MPZL1: variants seen among roughly 807,000 people sequenced by gnomAD.
MPZL1 encodes the protein myelin protein zero like 1, also known as myelin protein zero-like protein 1.
A neutral mutation model predicts 29.3 loss-of-function variants in MPZL1; 16 were observed. The ratio of observed to expected loss-of-function variants is 0.55; its 90% CI spans 0.37 to 0.83. MPZL1 has a LOEUF of 0.83. Ranked by LOEUF, MPZL1 falls within the 40% of genes least tolerant of loss-of-function variation. MPZL1 has a pLI of 0.00. For synonymous variants in MPZL1, 143 were observed against 132.0 expected, an observed-to-expected ratio of 1.08 and a Z score of -0.57; for missense variants, 279 against 332.9, an observed-to-expected ratio of 0.84 and a Z score of 1.26.
intron 1 of MPZL1, among the ~76,000 whole-genome samples, chr1:167,739,290 T>TAC (rs1553254299): frequency 1.1e-5 from 1 of 92,768 alleles, no homozygotes; most frequent in African/African-American, 5.4e-5. Context: ...TACATATATA[T>TAC]ATATATATAT....
chr1:167,783,928 G>A (rs546762889), intron 5 of MPZL1, among the ~76,000 whole-genome samples: 14 of 152,194 alleles, frequency 9.2e-5, no homozygotes, highest in Non-Finnish European at 2.1e-4. Flanking sequence ...CTTTCTTAGT[G>A]ATTCGTGCTA....
intron 1 of MPZL1, among the ~76,000 whole-genome samples, chr1:167,731,640 A>G (rs570056959): frequency 1.3e-5 from 2 of 151,920 alleles, no homozygotes; most frequent in East Asian, 2.0e-4. Flanking sequence ...GTGTTTCACC[A>G]TGTTAGCCAG....
intron 1 of MPZL1, among the ~76,000 whole-genome samples, chr1:167,762,874 G>A (rs560902229): frequency 2.6e-5 from 4 of 152,280 alleles, no homozygotes; most frequent in Non-Finnish European, 5.9e-5. Context: ...AGATAGCCAG[G>A]GATGGGAGGA....
chr1:167,733,639 G>A (rs1660313664), intron 1 of MPZL1, among the ~76,000 whole-genome samples: 1 of 152,174 alleles, frequency 6.6e-6, no homozygotes, highest in Non-Finnish European at 1.5e-5. Context: ...CAGCTACTCA[G>A]GAGGCTGAGG....
At chr1:167,742,536 A>G (rs1336290181) in intron 1 of MPZL1, among the ~76,000 whole-genome samples, 1 of 152,218 alleles carries the variant, frequency 6.6e-6, no homozygotes, top group Admixed American at 6.5e-5. Flanking sequence ...CAGAATAGGA[A>G]CTATAGTTTA....
chr1:167,785,786 A>G (rs1205279158), intron 5 of MPZL1, among the ~76,000 whole-genome samples: 1 of 152,132 alleles, frequency 6.6e-6, no homozygotes, highest in Non-Finnish European at 1.5e-5. Context: ...TTCCTAGTAG[A>G]AAACAGTCTT....
intron 1 of MPZL1, among the ~76,000 whole-genome samples, chr1:167,745,129 A>G (rs902019537): frequency 1.3e-5 from 2 of 152,092 alleles, no homozygotes; most frequent in Admixed American, 1.3e-4. Flanking sequence ...CTGAGTCTGG[A>G]GTGAAGGTCC....
chr1:167,783,940 G>A (rs899880979), intron 5 of MPZL1, among the ~76,000 whole-genome samples: 1 of 152,148 alleles, frequency 6.6e-6, no homozygotes, highest in Non-Finnish European at 1.5e-5. Context: ...TTCGTGCTAG[G>A]CTTTTGGGGA....
At chr1:167,753,031 T>C (rs986735104) in intron 1 of MPZL1, among the ~76,000 whole-genome samples, 1 of 152,164 alleles carries the variant, frequency 6.6e-6, no homozygotes, top group Non-Finnish European at 1.5e-5. Flanking sequence ...CAAGGGAGAT[T>C]GTGCTTTTCA....
In MPZL1 at chr1:167,788,648, G is replaced by A. The variant is rs950741560; in HGVS notation, c.*727G>A. On this transcript the variant is annotated 3_prime_UTR_variant, in exon 6 of 6. Coordinates refer to ENST00000359523, the MANE Select transcript of MPZL1 (RefSeq NM_003953.6). ...GGTCACTTCATTCTGGACACAGTTGGATCAATACTGATTAAGTAGAAAATC... is the reference window on the plus strand; with the variant it reads ...GGTCACTTCATTCTGGACACAGTTGAATCAATACTGATTAAGTAGAAAATC... The A allele has an allele frequency of 1.3e-5, 2 of 152,176 alleles. No individual in the cohort carries two copies. The highest frequency in any genetic ancestry group is 2.9e-5 in the Non-Finnish European group (2 of 68,048). The allele number at this position is 152,176 out of a possible 1,614,324, so 9.4% of individuals were successfully genotyped here. A position where few individuals can be genotyped will look rare whatever the true frequency, so the allele number is the denominator to read the frequency against.
chr1:167,735,002 G>T (rs1415420838), intron 1 of MPZL1, among the ~76,000 whole-genome samples: 2 of 152,170 alleles, frequency 1.3e-5, no homozygotes, highest in African/African-American at 4.8e-5. Context: ...TGAGTCATTT[G>T]CAGAATAAGA....
intron 2 of MPZL1, 42 bp downstream of exon 2, chr1:167,765,791 G>T: frequency 6.6e-7 from 1 of 1,505,582 alleles, no homozygotes; most frequent in Non-Finnish European, 8.9e-7. Context: ...TGCCTCACAG[G>T]TTTCTTTACT....
chr1:167,747,006 A>T (rs2101763884), intron 1 of MPZL1, among the ~76,000 whole-genome samples: 1 of 152,300 alleles, frequency 6.6e-6, no homozygotes, highest in Non-Finnish European at 1.5e-5. Flanking sequence ...TTCATCAGAG[A>T]GCCACTGAGA....
chr1:167,741,703 A>G (rs1172783764), intron 1 of MPZL1, among the ~76,000 whole-genome samples: 3 of 151,944 alleles, frequency 2.0e-5, no homozygotes, highest in African/African-American at 4.8e-5. Context: ...AGCAAGAACT[A>G]TTTTACATCA....
At chr1:167,772,144 G>T in intron 2 of MPZL1, 131 bp from the exon 3 acceptor site, 1 of 734,248 alleles carries the variant, frequency 1.4e-6, no homozygotes, top group Non-Finnish European at 2.3e-6. Flanking sequence ...AGGGGGAGAG[G>T]GAGAGGGAGA....
chr1:167,771,983 C>G (rs548077957), intron 2 of MPZL1, among the ~76,000 whole-genome samples: 1 of 152,152 alleles, frequency 6.6e-6, no homozygotes, highest in East Asian at 1.9e-4. Context: ...ACCAGTCAGG[C>G]GTGGCCGCAC....
chr1:167,747,268 C>A (rs555793840), intron 1 of MPZL1, among the ~76,000 whole-genome samples: 1 of 152,108 alleles, frequency 6.6e-6, no homozygotes, highest in Non-Finnish European at 1.5e-5. Flanking sequence ...TCGTCTAGGC[C>A]GGAGTGCAGT....
chr1:167,777,665 A>G (rs1661400368), intron 5 of MPZL1, among the ~76,000 whole-genome samples: 1 of 152,216 alleles, frequency 6.6e-6, no homozygotes, highest in Admixed American at 6.5e-5. Flanking sequence ...TTGTATACAC[A>G]TAGGAGAACA....
chr1:167,766,270 T>C (rs1661112535), intron 2 of MPZL1, among the ~76,000 whole-genome samples: 1 of 152,186 alleles, frequency 6.6e-6, no homozygotes, highest in Admixed American at 6.5e-5. Context: ...GGCTGATATA[T>C]AGATGACTTT....
Sources: allele counts gnomAD v4.1 joint callset (sites outside exome capture counted in the v4.1 genomes callset), GRCh38; gene constraint gnomAD v4.1.1; transcripts MANE v1.5; gene names NCBI Gene and HGNC (gene_info 2026-07-23, HGNC 2026-07-21).